Variants in PTPRD observed in about 807,000 individuals in gnomAD.
The protein encoded by PTPRD is protein tyrosine phosphatase receptor type D, also known as receptor-type tyrosine-protein phosphatase delta.
Under a neutral mutation model 214.5 loss-of-function variants are expected in PTPRD, and 34 were observed. The ratio of observed to expected loss-of-function variants is 0.16; its 90% CI spans 0.12 to 0.21. The LOEUF (loss-of-function observed/expected upper bound fraction) is 0.21, where lower values mean the gene tolerates loss of function less well. Among genes scored for constraint, PTPRD ranks in the 10% least tolerant of loss-of-function variants. The probability of loss-of-function intolerance (pLI) is 1.00; values close to 1 mark genes in which losing one functional copy is unlikely to be tolerated. For synonymous variants in PTPRD, 1,128 were observed against 845.7 expected, an observed-to-expected ratio of 1.33 and a Z score of -5.79; for missense variants, 2,545 against 2,398.7, an observed-to-expected ratio of 1.06 and a Z score of -1.27.
chr9:8,412,725 C>G (rs922700879), intron 35 of PTPRD, among the ~76,000 whole-genome samples: 4 of 152,122 alleles, frequency 2.6e-5, no homozygotes, highest in African/African-American at 9.7e-5. Flanking sequence ...TTTTTTGATA[C>G]TGAAGTATAA....
intron 7 of PTPRD, among the ~76,000 whole-genome samples, chr9:9,677,283 T>C (rs1278401235): frequency 6.6e-6 from 1 of 152,082 alleles, no homozygotes; most frequent in African/African-American, 2.4e-5. Flanking sequence ...AAGTCTTTAA[T>C]CCATCTTGAG....
intron 5 of PTPRD, among the ~76,000 whole-genome samples, chr9:9,936,380 A>G (rs1296894952): frequency 6.6e-6 from 1 of 152,040 alleles, no homozygotes; most frequent in Admixed American, 6.5e-5. Context: ...ACAAATTTAC[A>G]AGAAAAAAAC....
At chr9:9,525,577 G>A (rs1274936160) in intron 8 of PTPRD, among the ~76,000 whole-genome samples, 1 of 151,924 alleles carries the variant, frequency 6.6e-6, no homozygotes, top group East Asian at 1.9e-4. Flanking sequence ...GCAACTTATG[G>A]GGAAGTTAAT....
chr9:8,449,602 A>C (rs1181645487), intron 34 of PTPRD, 123 bp downstream of exon 34: 1 of 910,880 alleles, frequency 1.1e-6, no homozygotes, highest in African/African-American at 1.7e-5. Flanking sequence ...ATAATAGTAA[A>C]ATAAAAGAGC....
At chr9:10,495,771 G>A (rs2041864401) in intron 2 of PTPRD, among the ~76,000 whole-genome samples, 2 of 151,616 alleles carry the variant, frequency 1.3e-5, no homozygotes, top group Admixed American at 6.6e-5. Flanking sequence ...TTGCTGGTAT[G>A]GAGCATTTAA....
Position 8,528,712 on chromosome 9 carries a change from A to G in PTPRD, c.420T>C (p.Thr140=), listed in dbSNP as rs748320751. 2 of 1,613,612 alleles carry G rather than the reference A, an allele frequency of 1.2e-6. No individual in the cohort carries two copies. Among genetic ancestry groups the G allele is most frequent in the Admixed American group, 3.3e-5 (2 of 59,932 alleles). The change falls in exon 15 of 46, where the codon ACT becomes ACC. Residue 140 remains threonine (T), a synonymous_variant. Coordinates refer to ENST00000381196, the MANE Select transcript of PTPRD (RefSeq NM_002839.4). ...MGPQLKVVER[T]RTATMLCAAS... is the part of the protein sequence containing the mutation. ...CTGCACAAAGCATGGTGGCCGTGCG[A>G]GTACGCTCAACCACCTTCAACTGTG...
chr9:9,625,682 G>T (rs1392115422), intron 7 of PTPRD, among the ~76,000 whole-genome samples: 1 of 152,064 alleles, frequency 6.6e-6, no homozygotes, highest in Non-Finnish European at 1.5e-5. Context: ...AATCTCTTAG[G>T]TTATTGCAGA....
chr9:8,881,455 C>A (rs540103865), intron 11 of PTPRD, among the ~76,000 whole-genome samples: 24 of 152,138 alleles, frequency 1.6e-4, no homozygotes, highest in Non-Finnish European at 3.2e-4. Flanking sequence ...CTTCCTTTTA[C>A]AAGATTTCTG....
chr9:9,710,414 T>G (rs1321872928), intron 7 of PTPRD, among the ~76,000 whole-genome samples: 2 of 152,046 alleles, frequency 1.3e-5, no homozygotes, highest in Non-Finnish European at 2.9e-5. Context: ...CCTTTCCCAT[T>G]ATAAGATTTA....
intron 8 of PTPRD, among the ~76,000 whole-genome samples, chr9:9,525,608 A>AT (rs535460203): frequency 2.9e-4 from 44 of 150,256 alleles, no homozygotes; most frequent in African/African-American, 8.1e-4. Context: ...TTGTTAAATA[A>AT]TTTTTTTTTT....
chr9:8,487,009 C>G lies in PTPRD; in HGVS notation c.2468-660G>C, dbSNP rs1591760972. 2.0e-5 allele frequency among the ~76,000 whole-genome samples: 3 copies of G among 152,058 alleles called. No homozygotes were observed. In the East Asian group the frequency reaches 5.8e-4, roughly 29 times the overall value. ...CTTAAAAGTTTAAAAAAAAACCAAA[C>G]TACAAAATAATATCGTATTGACTTA... On this transcript the variant is annotated intron_variant, in intron 27 of 45. Coordinates refer to ENST00000381196, the MANE Select transcript of PTPRD (RefSeq NM_002839.4).
At chr9:9,980,649 C>G (rs1448011080) in intron 4 of PTPRD, among the ~76,000 whole-genome samples, 7 of 117,232 alleles carry the variant, frequency 6.0e-5, no homozygotes, top group Admixed American at 3.4e-4. Flanking sequence ...AAAAAAAACC[C>G]TTTATGGATC....
intron 7 of PTPRD, among the ~76,000 whole-genome samples, chr9:9,666,992 G>A (rs554409397): frequency 3.4e-4 from 51 of 152,072 alleles, no homozygotes; most frequent in African/African-American, 1.2e-3. Context: ...TAAAGTCATC[G>A]TTTCTCTTTA....
At chr9:9,788,285 C>G (rs1053090737) in intron 5 of PTPRD, among the ~76,000 whole-genome samples, 2 of 151,788 alleles carry the variant, frequency 1.3e-5, no homozygotes, top group East Asian at 2.0e-4. Flanking sequence ...GGCGCGGTGA[C>G]TCACACCTGT....
chr9:10,055,101 C>G (rs1220765564), intron 3 of PTPRD, among the ~76,000 whole-genome samples: 10 of 152,254 alleles, frequency 6.6e-5, no homozygotes, highest in Admixed American at 5.2e-4. Flanking sequence ...AGAGGGCCTT[C>G]ACCAGGAATT....
At chr9:8,815,036 G>C (rs2096891907) in intron 11 of PTPRD, among the ~76,000 whole-genome samples, 1 of 151,768 alleles carries the variant, frequency 6.6e-6, no homozygotes, top group Admixed American at 6.6e-5. Context: ...GCTTTATTGT[G>C]GCTCCAATTC....
intron 10 of PTPRD, among the ~76,000 whole-genome samples, chr9:9,055,701 T>G (rs1252236504): frequency 6.6e-6 from 1 of 151,660 alleles, no homozygotes; most frequent in Non-Finnish European, 1.5e-5. Context: ...TTTGTGCATA[T>G]GTACACATAA....
At position 10,215,275 on chromosome 9, in the gene PTPRD, G is replaced by A. The variant is rs1283903347; in HGVS notation, c.-545+125688C>T. On this transcript the variant is annotated intron_variant, in intron 3 of 45. Transcript: ENST00000381196. Reference sequence around the variant, plus strand: ...GCTCTAAGAATTGACTGATGGATTTGGAGAAAAAAAAAAGCAAAGCTCTTC... The same window carrying A: ...GCTCTAAGAATTGACTGATGGATTTAGAGAAAAAAAAAAGCAAAGCTCTTC... Among the ~76,000 whole-genome samples the A allele has an allele frequency of 2.0e-5, 3 of 150,712 alleles. No individual in the cohort carries two copies. In the East Asian group the frequency reaches 5.9e-4, roughly 29 times the overall value.
chr9:8,605,972 G>A (rs1174342231), intron 14 of PTPRD, among the ~76,000 whole-genome samples: 2 of 152,118 alleles, frequency 1.3e-5, no homozygotes, highest in African/African-American at 2.4e-5. Context: ...GGGGAGCGGG[G>A]GTGTCGAGGG....
Sources: allele counts gnomAD v4.1 joint callset (sites outside exome capture counted in the v4.1 genomes callset), GRCh38; gene constraint gnomAD v4.1.1; transcripts MANE v1.5; gene names NCBI Gene and HGNC (gene_info 2026-07-23, HGNC 2026-07-21).